TNC: variants seen among roughly 807,000 people sequenced by gnomAD.
The protein encoded by TNC is tenascin C, also known as tenascin.
A neutral mutation model predicts 202.4 loss-of-function variants in TNC; 109 were observed. The ratio of observed to expected loss-of-function variants is 0.54; its 90% CI spans 0.46 to 0.63. TNC has a LOEUF of 0.63. TNC is among the 30% of genes least tolerant of loss of function. The probability of loss-of-function intolerance (pLI) is 0.00; values close to 1 mark genes in which losing one functional copy is unlikely to be tolerated. For synonymous variants in TNC, 1,007 were observed against 1,089.7 expected, an observed-to-expected ratio of 0.92 and a Z score of 1.50; for missense variants, 2,756 against 2,833.3, an observed-to-expected ratio of 0.97 and a Z score of 0.62.
chr9:115,063,942 A>G lies in TNC; in HGVS notation c.3614T>C (p.Val1205Ala), dbSNP rs1316478603. The part of the protein sequence containing the change: ...FFIQVQEADT[V>A]EAAQNLTVPG... Reference sequence around the variant, plus strand: ...GACGGTGAGGTTCTGGGCTGCCTCTACTGTGTCAGCCTCCTGCACCTGAAT... The same window carrying G: ...GACGGTGAGGTTCTGGGCTGCCTCTGCTGTGTCAGCCTCCTGCACCTGAAT... Residue 1205 changes from valine to alanine, a missense_variant, in exon 12 of 28, where the codon GTA becomes GCA. Val to Ala is a moderately conservative substitution (Grantham distance 64). Around this residue, in one of 2 missense-constraint regions of TNC, gnomAD observed 2,559 missense variants for 2,546.0 expected, o/e 1.01. Coordinates refer to ENST00000350763, the MANE Select transcript of TNC (RefSeq NM_002160.4). The G allele has an allele frequency of 1.2e-6, 2 of 1,614,034 alleles. No homozygotes were observed. Among genetic ancestry groups the G allele is most frequent in the Non-Finnish European group, 1.7e-6 (2 of 1,180,032 alleles).
At chr9:115,038,185 G>T in intron 20 of TNC, 76 bp downstream of exon 20, 1 of 1,546,354 alleles carries the variant, frequency 6.5e-7, no homozygotes. Context: ...ATGTGGCAGG[G>T]AGAAGAGCGA....
At position 115,086,490 on chromosome 9, in the gene TNC, C is replaced by T. The variant is rs754715394; in HGVS notation, c.1241G>A (p.Gly414Asp). 5 of 1,613,616 alleles carry T rather than the reference C, an allele frequency of 3.1e-6. No individual in the cohort carries two copies. The highest frequency in any genetic ancestry group is 3.4e-6 in the Non-Finnish European group (4 of 1,179,954). Residue 414 changes from glycine to aspartate, a missense_variant, in exon 3 of 28, where the codon GGC (glycine) becomes GAC (aspartate). This residue lies in a region of TNC where 2,559 missense variants were observed against 2,546.0 expected (regional missense o/e 1.01). Coordinates refer to ENST00000350763, the MANE Select transcript of TNC (RefSeq NM_002160.4). ...CTGCCCATTGACACAGCGGCCATGG[C>T]CACTGCAGCCATTGGGACACTTGAG... is the stretch of plus-strand genomic sequence containing the variant. Reference protein sequence around the residue: ...GELKCPNGCSGHGRCVNGQCV... With the variant: ...GELKCPNGCSDHGRCVNGQCV...
At chr9:115,109,455 CAT>C (rs1564157722) in intron 1 of TNC, among the ~76,000 whole-genome samples, 1 of 152,240 alleles carries the variant, frequency 6.6e-6, no homozygotes, top group Non-Finnish European at 1.5e-5. Flanking sequence ...ATGCCAAAGT[CAT>C]ACTCTTAACC....
At chr9:115,092,953 G>A (rs1289488380) in intron 1 of TNC, among the ~76,000 whole-genome samples, 5 of 152,020 alleles carry the variant, frequency 3.3e-5, no homozygotes, top group South Asian at 2.1e-4. Flanking sequence ...TCTTATACTC[G>A]CACACTGTAA....
At chr9:115,057,580 G>A (rs1231730971) in intron 14 of TNC, among the ~76,000 whole-genome samples, 155 bp from the exon 15 acceptor site, 3 of 152,212 alleles carry the variant, frequency 2.0e-5, no homozygotes, top group Non-Finnish European at 4.4e-5. Flanking sequence ...ACCAATTAGT[G>A]CCAAAGGGAG....
intron 10 of TNC, among the ~76,000 whole-genome samples, chr9:115,068,993 T>C (rs892234785): frequency 6.6e-6 from 1 of 152,226 alleles, no homozygotes; most frequent in African/African-American, 2.4e-5. Flanking sequence ...CTCTCTCTTA[T>C]AGCAACGTGC....
rs566602400 is a variant in TNC at position 115,062,313 on chromosome 9, C to T, written c.4033+604G>A. 5.7e-4 allele frequency among the ~76,000 whole-genome samples: 87 copies of T among 152,176 alleles called. No individual in the cohort carries two copies. The Middle Eastern group carries it at 0.01, about 18-fold the overall frequency. ...AGGCTCAGGGATGTAAAGAAATATA[C>T]CCAAGAATAGAGGTAGGGCACGCTG... is the stretch of plus-strand genomic sequence containing the variant. On this transcript the variant is annotated intron_variant, in intron 13 of 27. Coordinates refer to ENST00000350763, the MANE Select transcript of TNC (RefSeq NM_002160.4).
intron 15 of TNC, among the ~76,000 whole-genome samples, chr9:115,049,719 C>T (rs551426816): frequency 1.6e-4 from 24 of 149,524 alleles, no homozygotes; most frequent in Non-Finnish European, 2.5e-4. Context: ...ACAGGAATTT[C>T]AAATTAGCTG....
At chr9:115,077,824 A>C (rs1833991856) in intron 7 of TNC, 119 bp downstream of exon 7, 3 of 1,057,002 alleles carry the variant, frequency 2.8e-6, no homozygotes, top group Non-Finnish European at 4.1e-6. Flanking sequence ...CAGGAGTAGA[A>C]ATACCCCTTT....
At chr9:115,103,463 T>C (rs1398809166) in intron 1 of TNC, among the ~76,000 whole-genome samples, 1 of 152,200 alleles carries the variant, frequency 6.6e-6, no homozygotes, top group African/African-American at 2.4e-5. Context: ...TGGCCTCTTA[T>C]GAGGCCATAT....
intron 12 of TNC, 82 bp downstream of exon 12, chr9:115,063,714 A>G: frequency 6.9e-7 from 1 of 1,452,498 alleles, no homozygotes; most frequent in Non-Finnish European, 9.4e-7. Context: ...AGCTGATCCC[A>G]GTTTAAAGCA....
At chr9:115,101,504 C>T (rs902084553) in intron 1 of TNC, among the ~76,000 whole-genome samples, 1 of 152,220 alleles carries the variant, frequency 6.6e-6, no homozygotes, top group Non-Finnish European at 1.5e-5. Flanking sequence ...TGAGCCACTG[C>T]ACCTGGCCGC....
At chr9:115,097,236 G>T (rs562584308) in intron 1 of TNC, among the ~76,000 whole-genome samples, 3 of 152,176 alleles carry the variant, frequency 2.0e-5, no homozygotes, top group African/African-American at 4.8e-5. Context: ...CAATTTCCCC[G>T]CCTCCTCTCC....
intron 15 of TNC, among the ~76,000 whole-genome samples, chr9:115,050,051 G>C (rs1025956166): frequency 4.6e-5 from 7 of 152,076 alleles, no homozygotes; most frequent in African/African-American, 1.7e-4. Flanking sequence ...CTCTTATACT[G>C]GGCAAACAAT....
Position 115,035,145 on chromosome 9 carries a change from T to C in TNC, c.5787+59A>G, listed in dbSNP as rs1219611227. The stretch of plus-strand genomic sequence containing the variant: ...ACAGCATCAGGTAATTCTTCCATAC[T>C]TTGAAGATCATGCAAATGCTTCAAC... On this transcript the variant is annotated intron_variant, in intron 22 of 27. Transcript: ENST00000350763. The C allele has an allele frequency of 7.2e-6, 11 of 1,520,066 alleles. No individual in the cohort carries two copies. In the East Asian group the frequency reaches 2.7e-4, roughly 37 times the overall value. The allele number at this position is 1,520,066 out of a possible 1,614,324, so 94.2% of individuals were successfully genotyped here. A position where few individuals can be genotyped will look rare whatever the true frequency, so the allele number is the denominator to read the frequency against.
chr9:115,067,582 C>G (rs956112064), intron 10 of TNC, among the ~76,000 whole-genome samples: 2 of 152,106 alleles, frequency 1.3e-5, no homozygotes, highest in African/African-American at 4.8e-5. Flanking sequence ...GCCCATTAAG[C>G]TGTGGCAAAA....
chr9:115,109,626 C>G (rs1836885833), intron 1 of TNC, among the ~76,000 whole-genome samples: 1 of 152,190 alleles, frequency 6.6e-6, no homozygotes. Context: ...GTGACTCAGC[C>G]TCAAATCCCC....
At chr9:115,095,566 GTA>G (rs1319232746) in intron 1 of TNC, among the ~76,000 whole-genome samples, 1 of 1,888 alleles carries the variant, frequency 5.3e-4, no homozygotes, top group African/African-American at 1.5e-3. Flanking sequence ...GTATATATAT[GTA>G]TATATATGTA....
In TNC at chr9:115,020,616, A is replaced by G. The variant is rs900869977; in HGVS notation, c.*541T>C. ...TGTTTTGGAAAGAAAGATCTCTTGA[A>G]AAATCCTTAGTTTTCATCATCATCA... On this transcript the variant is annotated 3_prime_UTR_variant, in exon 28 of 28. Coordinates refer to ENST00000350763, the MANE Select transcript of TNC (RefSeq NM_002160.4). 8.4e-6 allele frequency: 3 copies of G among 357,646 alleles called. No individual in the cohort carries two copies. Among genetic ancestry groups the G allele is most frequent in the Non-Finnish European group, 1.6e-5 (3 of 181,836 alleles). 22.2% of individuals were successfully genotyped at this position (357,646 alleles called of 1,614,324 possible). A position where few individuals can be genotyped will look rare whatever the true frequency, so the allele number is the denominator to read the frequency against.
Sources: allele counts gnomAD v4.1 joint callset (sites outside exome capture counted in the v4.1 genomes callset), GRCh38; gene constraint gnomAD v4.1.1; regional missense constraint gnomAD v4.1.1; transcripts MANE v1.5; gene names NCBI Gene and HGNC (gene_info 2026-07-23, HGNC 2026-07-21).